PHACTR1: variants seen among roughly 807,000 people sequenced by gnomAD.
PHACTR1 encodes the protein phosphatase and actin regulator 1.
PHACTR1 carries 16 observed loss-of-function variants against 69.2 expected under a neutral mutation model. The observed-to-expected ratio is 0.23, with a 90% CI of 0.16 to 0.35. The LOEUF is 0.35. PHACTR1 is among the 10% of genes least tolerant of loss of function. The probability of loss-of-function intolerance (pLI) is 1.00; values close to 1 mark genes in which losing one functional copy is unlikely to be tolerated. For missense variants in PHACTR1, 510 were observed against 734.7 expected (o/e 0.69, Z 3.54); for synonymous variants, 312 against 284.5 (o/e 1.10, Z -0.97).
At chr6:12,919,286 G>T (rs567399414) in intron 4 of PHACTR1, among the ~76,000 whole-genome samples, 2 of 152,168 alleles carry the variant, frequency 1.3e-5, no homozygotes, top group African/African-American at 4.8e-5. Flanking sequence ...GGGACTACAG[G>T]CACGCACCAC....
chr6:12,972,241 C>G (rs918441292), intron 4 of PHACTR1, among the ~76,000 whole-genome samples: 1 of 152,206 alleles, frequency 6.6e-6, no homozygotes. Context: ...AGGATTGGAA[C>G]TCAGGGGATG....
At position 12,909,743 on chromosome 6, in the gene PHACTR1, G is replaced by T. The variant is rs371114703; in HGVS notation, c.251-143622G>T. Among the ~76,000 whole-genome samples the T allele has an allele frequency of 8.5e-5, 13 of 152,288 alleles. No homozygotes were observed. In the East Asian group the frequency reaches 2.1e-3, roughly 25 times the overall value. On this transcript the variant is annotated intron_variant, in intron 4 of 14. Transcript: ENST00000332995. ...ACTGGACCAATGCCTAAATCAAGGG[G>T]AGAGCATCCTGGCTGCTGCTGTGAC...
intron 4 of PHACTR1, among the ~76,000 whole-genome samples, chr6:12,919,624 GT>G (rs761696622): frequency 1.4e-4 from 21 of 152,310 alleles, no homozygotes; most frequent in Non-Finnish European, 2.4e-4. Flanking sequence ...GTTCTGGAGA[GT>G]TTTTCCACTG....
chr6:12,866,600 A>T (rs1024885295), intron 4 of PHACTR1, among the ~76,000 whole-genome samples: 1 of 152,060 alleles, frequency 6.6e-6, no homozygotes, highest in African/African-American at 2.4e-5. Context: ...CACACATGCC[A>T]TGTCTTTGTA....
At chr6:12,904,341 GCCCAACA>G (rs1785495976) in intron 4 of PHACTR1, among the ~76,000 whole-genome samples, 1 of 151,962 alleles carries the variant, frequency 6.6e-6, no homozygotes, top group African/African-American at 2.4e-5. Context: ...AGACCAGCCT[GCCCAACA>G]TGGTGAAACC....
intron 5 of PHACTR1, among the ~76,000 whole-genome samples, chr6:13,076,941 CGG>C (rs1304279388): frequency 4.3e-4 from 37 of 85,904 alleles, no homozygotes; most frequent in Non-Finnish European, 6.7e-4. Context: ...CTGGGGACTG[CGG>C]TGGGGTGGGG....
chr6:13,217,988 C>T (rs1767940274), intron 8 of PHACTR1, among the ~76,000 whole-genome samples: 1 of 152,216 alleles, frequency 6.6e-6, no homozygotes, highest in Admixed American at 6.5e-5. Context: ...ATTACAAAAG[C>T]TGTTCCTGTT....
intron 7 of PHACTR1, among the ~76,000 whole-genome samples, chr6:13,204,992 C>T (rs1172857137): frequency 6.6e-6 from 1 of 152,150 alleles, no homozygotes; most frequent in African/African-American, 2.4e-5. Context: ...ACTAGCATGT[C>T]TTGGTCTGTT....
In PHACTR1 at chr6:13,032,622, A is replaced by AT. The variant is rs199702696; in HGVS notation, c.251-20730dup. Among the ~76,000 whole-genome samples, 1,499 of 146,812 alleles carry AT rather than the reference A, an allele frequency of 0.01. 53 individuals carry two copies. In the South Asian group the frequency reaches 0.13, roughly 13 times the overall value. ...GAGAATATGGAAGATGTTATGAAAG[A>AT]TTTTTTTTTTTTTGACATGGGGTCT... On this transcript the variant is annotated intron_variant, in intron 4 of 14. Transcript: ENST00000332995.
chr6:12,988,020 G>C (rs1028652735), intron 4 of PHACTR1, among the ~76,000 whole-genome samples: 1 of 152,150 alleles, frequency 6.6e-6, no homozygotes, highest in Admixed American at 6.5e-5. Flanking sequence ...ATTTCTAAGG[G>C]GGTTGGCTAG....
intron 4 of PHACTR1, among the ~76,000 whole-genome samples, chr6:12,998,613 CAA>C (rs113893363): frequency 6.0e-5 from 7 of 116,496 alleles, no homozygotes; most frequent in Admixed American, 2.9e-4. Context: ...AAGACCTGGT[CAA>C]AAAAAAAAAA....
intron 3 of PHACTR1, among the ~76,000 whole-genome samples, chr6:12,732,485 C>T (rs753713725): frequency 2.0e-5 from 3 of 152,148 alleles, no homozygotes; most frequent in Non-Finnish European, 4.4e-5. Context: ...TCACCCCTCA[C>T]CCCAAAACAG....
At chr6:13,173,239 A>G (rs1219094836) in intron 6 of PHACTR1, among the ~76,000 whole-genome samples, 1 of 152,266 alleles carries the variant, frequency 6.6e-6, no homozygotes, top group Non-Finnish European at 1.5e-5. Context: ...CAAAAATTGC[A>G]ATTACTTTTG....
chr6:13,180,234 C>T (rs749834455), intron 6 of PHACTR1, among the ~76,000 whole-genome samples: 8 of 152,066 alleles, frequency 5.3e-5, no homozygotes, highest in Non-Finnish European at 1.0e-4. Flanking sequence ...GTGTCTTACA[C>T]CTTCTTCTCC....
intron 10 of PHACTR1, among the ~76,000 whole-genome samples, chr6:13,252,428 C>T (rs1774601241): frequency 6.6e-6 from 1 of 151,856 alleles, no homozygotes; most frequent in African/African-American, 2.4e-5. Context: ...CTCCATTTTC[C>T]ATTCTTTTCC....
chr6:12,797,859 G>A (rs1581795490), intron 4 of PHACTR1, among the ~76,000 whole-genome samples: 1 of 152,114 alleles, frequency 6.6e-6, no homozygotes, highest in Admixed American at 6.5e-5. Context: ...TGTGATTTAG[G>A]TCTCATCTCA....
At chr6:13,209,507 C>T (rs1766472991) in intron 8 of PHACTR1, among the ~76,000 whole-genome samples, 3 of 152,202 alleles carry the variant, frequency 2.0e-5, no homozygotes, top group Non-Finnish European at 1.5e-5. Context: ...GAATGTCACA[C>T]CATAGGCCAT....
intron 4 of PHACTR1, among the ~76,000 whole-genome samples, chr6:12,844,135 C>T (rs530730837): frequency 2.0e-5 from 3 of 152,152 alleles, no homozygotes; most frequent in Admixed American, 6.6e-5. Flanking sequence ...TGGCTCATAC[C>T]TATAATCCCA....
chr6:12,741,548 G>C (rs1429310012), intron 3 of PHACTR1, among the ~76,000 whole-genome samples: 1 of 152,000 alleles, frequency 6.6e-6, no homozygotes, highest in Non-Finnish European at 1.5e-5. Flanking sequence ...CTTGTAGTGG[G>C]ACCCTTGTCA....
Sources: allele counts gnomAD v4.1 joint callset (sites outside exome capture counted in the v4.1 genomes callset), GRCh38; gene constraint gnomAD v4.1.1; transcripts MANE v1.5; gene names NCBI Gene and HGNC (gene_info 2026-07-23, HGNC 2026-07-21).